TMEM131: variants seen among roughly 807,000 people sequenced by gnomAD.
TMEM131 encodes the protein 2610524E03Rik.
A neutral mutation model predicts 211.6 loss-of-function variants in TMEM131; 66 were observed. The observed-to-expected ratio is 0.31, with a 90% CI of 0.26 to 0.38. The LOEUF (loss-of-function observed/expected upper bound fraction) is 0.38. Among genes scored for constraint, TMEM131 ranks in the 10% least tolerant of loss-of-function variants. The probability of loss-of-function intolerance (pLI) is 1.00; values close to 1 mark genes in which losing one functional copy is unlikely to be tolerated. For missense variants in TMEM131, 2,036 were observed against 2,299.3 expected, an observed-to-expected ratio of 0.89 and a Z score of 2.34; for synonymous variants, 844 against 841.3, an observed-to-expected ratio of 1.00 and a Z score of -0.06.
intron 31 of TMEM131, among the ~76,000 whole-genome samples, chr2:97,788,996 A>G (rs1680375227): frequency 6.6e-6 from 1 of 152,390 alleles, no homozygotes; most frequent in East Asian, 1.9e-4. Flanking sequence ...TAGGGAAAAT[A>G]CAGGTTAAAG....
chr2:97,806,641 A>C lies in TMEM131; in HGVS notation c.2056-938T>G, dbSNP rs910013832. On this transcript the variant is annotated intron_variant, in intron 19 of 40. Transcript: ENST00000186436. The stretch of plus-strand genomic sequence containing the variant: ...AAGCTTCTGTCTGTGACAGGGTACC[A>C]AATTTTAAATTAAAAAATTAAATAA... Among the ~76,000 whole-genome samples the C allele has an allele frequency of 2.7e-4, 41 of 152,354 alleles. 1 individual carries two copies. The highest frequency in any genetic ancestry group is 8.9e-4 in the African/African-American group (37 of 41,578).
chr2:97,875,853 G>T (rs1473489266), intron 4 of TMEM131, among the ~76,000 whole-genome samples: 1 of 152,072 alleles, frequency 6.6e-6, no homozygotes, highest in Middle Eastern at 3.2e-3. Context: ...CAGAAGACAA[G>T]AAATAACTAA....
chr2:97,854,983 A>T (rs964214141), intron 5 of TMEM131, among the ~76,000 whole-genome samples: 2 of 152,062 alleles, frequency 1.3e-5, no homozygotes, highest in Non-Finnish European at 2.9e-5. Flanking sequence ...AACATCTTCT[A>T]AGATCTTATA....
chr2:97,770,371 G>A (rs1679408406), intron 33 of TMEM131, among the ~76,000 whole-genome samples: 1 of 152,192 alleles, frequency 6.6e-6, no homozygotes, highest in Non-Finnish European at 1.5e-5. Flanking sequence ...TAGAAGAAAG[G>A]TTGCATATAG....
At chr2:97,952,604 C>T (rs867998846) in intron 1 of TMEM131, among the ~76,000 whole-genome samples, 2 of 152,158 alleles carry the variant, frequency 1.3e-5, no homozygotes, top group African/African-American at 2.4e-5. Flanking sequence ...GGGCCCAGCA[C>T]GGTAGCTCAT....
chr2:97,955,434 A>C (rs1028495662), intron 1 of TMEM131, among the ~76,000 whole-genome samples: 1 of 152,194 alleles, frequency 6.6e-6, no homozygotes, highest in Admixed American at 6.5e-5. Flanking sequence ...CAGTACTAGA[A>C]ATTCTAAGAT....
chr2:97,796,230 T>C lies in TMEM131; in HGVS notation c.3188A>G (p.Asp1063Gly). 1 of 1,539,854 alleles carries C rather than the reference T, an allele frequency of 6.5e-7. No homozygotes were observed. Among genetic ancestry groups the C allele is most frequent in the Non-Finnish European group, 8.8e-7 (1 of 1,137,324 alleles). Residue 1063 changes from aspartate to glycine, a missense_variant, in exon 28 of 41, where the codon GAT (aspartate) becomes GGT (glycine). Transcript: ENST00000186436. ...EFTLSANASR[D>G]IIILFTPDFT... ...ATAAAATACTTACAATATGATTATA[T>C]CTCTAGAAGCATTGGCACTTAGAGT... is the stretch of plus-strand genomic sequence containing the variant.
Position 97,881,562 on chromosome 2 carries a change from C to T in TMEM131, c.359+6490G>A, listed in dbSNP as rs577727765. On this transcript the variant is annotated intron_variant, in intron 4 of 40. Coordinates refer to ENST00000186436, the MANE Select transcript of TMEM131 (RefSeq NM_015348.2). ...CCTTCCCCAGAAACACCTCAGTTGA[C>T]CTGCCCTCCTGTTACAGAGTAAAAC... Among the ~76,000 whole-genome samples, 169 of 152,020 alleles carry T rather than the reference C, an allele frequency of 1.1e-3. 2 individuals carry two copies. Among genetic ancestry groups the T allele is most frequent in the Non-Finnish European group, 1.8e-3 (124 of 67,962 alleles).
At chr2:97,895,766 CTTT>C (rs1242566846) in intron 3 of TMEM131, among the ~76,000 whole-genome samples, 4 of 151,938 alleles carry the variant, frequency 2.6e-5, no homozygotes, top group African/African-American at 9.7e-5. Context: ...CTCTTTTCTT[CTTT>C]ATTAGTCTGG....
At chr2:97,933,196 C>G (rs1677305282) in intron 1 of TMEM131, among the ~76,000 whole-genome samples, 1 of 152,116 alleles carries the variant, frequency 6.6e-6, no homozygotes, top group Non-Finnish European at 1.5e-5. Context: ...TGATGCGTGA[C>G]CATAGTACCC....
intron 4 of TMEM131, among the ~76,000 whole-genome samples, chr2:97,871,658 T>C (rs946320427): frequency 6.6e-6 from 1 of 152,194 alleles, no homozygotes; most frequent in African/African-American, 2.4e-5. Flanking sequence ...CACATCCCTA[T>C]GATTCCATCC....
chr2:97,922,137 T>C (rs931387454), intron 2 of TMEM131, among the ~76,000 whole-genome samples: 1 of 152,176 alleles, frequency 6.6e-6, no homozygotes, highest in East Asian at 1.9e-4. Flanking sequence ...AGGCACTAGT[T>C]AGATTCTCCT....
intron 2 of TMEM131, among the ~76,000 whole-genome samples, chr2:97,923,871 G>C (rs369052742): frequency 6.6e-6 from 1 of 151,980 alleles, no homozygotes; most frequent in African/African-American, 2.4e-5. Context: ...ACGAGGTCAG[G>C]AGATTGAGAC....
chr2:97,770,473 C>G (rs4850991), intron 33 of TMEM131, among the ~76,000 whole-genome samples: 150,469 of 152,310 alleles, frequency 0.99, 74,336 homozygotes, highest in Middle Eastern at 1. Flanking sequence ...GAGAGAGCAC[C>G]GGTTATTGCT....
chr2:97,762,558 G>T, intron 35 of TMEM131: 1 of 232,836 alleles, frequency 4.3e-6, no homozygotes, highest in Non-Finnish European at 8.5e-6. Context: ...CCTACACGCA[G>T]GTTTACAGCT....
intron 4 of TMEM131, among the ~76,000 whole-genome samples, chr2:97,882,498 C>G (rs1187161465): frequency 6.6e-6 from 1 of 152,188 alleles, no homozygotes; most frequent in Non-Finnish European, 1.5e-5. Flanking sequence ...TAGGCCCTGT[C>G]TGAGCCAAGA....
At chr2:97,823,493 C>T (rs887725783) in intron 11 of TMEM131, among the ~76,000 whole-genome samples, 4 of 152,138 alleles carry the variant, frequency 2.6e-5, no homozygotes, top group Non-Finnish European at 4.4e-5. Flanking sequence ...GAAAAAAATG[C>T]GGCTTTAGCT....
At chr2:97,772,504 A>G in intron 32 of TMEM131, 80 bp from the exon 33 acceptor site, 10 of 1,455,262 alleles carry the variant, frequency 6.9e-6, no homozygotes, top group Non-Finnish European at 9.3e-6. Flanking sequence ...TACAGACACA[A>G]AATCAAAGAT....
At chr2:97,977,069 G>A (rs1179584865) in intron 1 of TMEM131, among the ~76,000 whole-genome samples, 1 of 150,996 alleles carries the variant, frequency 6.6e-6, no homozygotes, top group East Asian at 1.9e-4. Context: ...AAAACTTCCA[G>A]AAAAGAATAC....
Sources: gnomAD v4.1 joint callset for allele counts (sites outside exome capture counted in the v4.1 genomes callset) on GRCh38, gnomAD v4.1.1 for gene constraint, MANE v1.5 for transcripts, NCBI Gene and HGNC (gene_info 2026-07-23, HGNC 2026-07-21) for gene names.